Variants in NEK1 observed in about 807,000 individuals in gnomAD.
NEK1 encodes serine/threonine-protein kinase Nek1.
NEK1 carries 137 observed loss-of-function variants against 182.1 expected under a neutral mutation model. The observed-to-expected ratio is 0.75, with a 90% confidence interval of 0.65 to 0.87. The LOEUF is 0.87. Among genes scored for constraint, NEK1 ranks in the 40% least tolerant of loss-of-function variants. The pLI, the probability that NEK1 is intolerant of heterozygous loss-of-function variation, is 0.00. For synonymous variants in NEK1, 513 were observed against 492.2 expected (o/e 1.04, Z -0.56); for missense variants, 1,391 against 1,494.4 (o/e 0.93, Z 1.14).
At chr4:169,599,892 CTTT>C (rs564714528) in intron 4 of NEK1, among the ~76,000 whole-genome samples, 1 of 148,344 alleles carries the variant, frequency 6.7e-6, no homozygotes, top group African/African-American at 2.5e-5. Context: ...TTTATTTAGG[CTTT>C]TTTTTTTCTT....
chr4:169,479,561 A>T, intron 23 of NEK1, 27 bp from the exon 24 acceptor site: 1 of 1,537,090 alleles, frequency 6.5e-7, no homozygotes, highest in Non-Finnish European at 8.9e-7. Context: ...TATTAAATAC[A>T]TTAGGGATTT....
intron 31 of NEK1, among the ~76,000 whole-genome samples, chr4:169,410,456 T>C (rs1478987499): frequency 6.6e-6 from 1 of 152,208 alleles, no homozygotes; most frequent in Non-Finnish European, 1.5e-5. Flanking sequence ...TCCAGTATTT[T>C]TCATATAAAA....
chr4:169,430,622 G>A (rs1270173948), intron 29 of NEK1, among the ~76,000 whole-genome samples: 2 of 152,144 alleles, frequency 1.3e-5, no homozygotes, highest in Non-Finnish European at 2.9e-5. Context: ...AGGATAAACA[G>A]GTGAAGCACA....
intron 24 of NEK1, among the ~76,000 whole-genome samples, chr4:169,477,864 C>T (rs1747258493): frequency 6.6e-6 from 1 of 151,964 alleles, no homozygotes; most frequent in Non-Finnish European, 1.5e-5. Flanking sequence ...TTCATATACT[C>T]TCTTAATTAT....
chr4:169,575,683 G>T (rs1001866000), intron 12 of NEK1, among the ~76,000 whole-genome samples: 1 of 152,178 alleles, frequency 6.6e-6, no homozygotes. Flanking sequence ...ACTCCAGGCA[G>T]TTTCGCAGGG....
At chr4:169,409,794 A>G (rs958724139) in intron 31 of NEK1, among the ~76,000 whole-genome samples, 6 of 152,118 alleles carry the variant, frequency 3.9e-5, no homozygotes, top group African/African-American at 1.4e-4. Flanking sequence ...AAAAGAAAAA[A>G]TTACGGCCGT....
chr4:169,433,783 G>A, intron 28 of NEK1, 118 bp from the exon 29 acceptor site: 1 of 969,164 alleles, frequency 1.0e-6, no homozygotes, highest in Admixed American at 2.7e-5. Context: ...CATTAAAACA[G>A]AAAAATTAAG....
chr4:169,526,983 A>T (rs1178712843), intron 19 of NEK1, among the ~76,000 whole-genome samples: 1 of 152,208 alleles, frequency 6.6e-6, no homozygotes, highest in African/African-American at 2.4e-5. Flanking sequence ...CATAAATAGA[A>T]AAAATCCCCA....
At chr4:169,409,290 G>A (rs953125894) in intron 31 of NEK1, among the ~76,000 whole-genome samples, 17 of 151,932 alleles carry the variant, frequency 1.1e-4, no homozygotes, top group Non-Finnish European at 1.9e-4. Context: ...GACTACAGGC[G>A]CCCTACACCA....
At chr4:169,560,820 AG>A (rs1366577552) in intron 16 of NEK1, among the ~76,000 whole-genome samples, 2 of 151,986 alleles carry the variant, frequency 1.3e-5, no homozygotes, top group African/African-American at 4.8e-5. Context: ...ACCAAAGCTC[AG>A]AAAAGTTCAG....
At chr4:169,541,333 T>C (rs1385358540) in intron 18 of NEK1, among the ~76,000 whole-genome samples, 1 of 152,206 alleles carries the variant, frequency 6.6e-6, no homozygotes, top group Non-Finnish European at 1.5e-5. Flanking sequence ...TGGCACTCTG[T>C]AATTTATTAA....
intron 27 of NEK1, among the ~76,000 whole-genome samples, chr4:169,438,576 T>A (rs1226880616): frequency 1.3e-5 from 2 of 152,232 alleles, no homozygotes; most frequent in African/African-American, 2.4e-5. Context: ...AACTCCTAGT[T>A]ACTTCTAATT....
Position 169,555,727 on chromosome 4 carries a change from C to T in NEK1, c.1555G>A (p.Ala519Thr). The change falls in exon 18 of 36, where the codon GCA (alanine) becomes ACA (threonine). Residue 519 changes from alanine (A) to threonine (T), a missense_variant. By Grantham distance (58) the Ala-to-Thr change is moderately conservative. Around this residue, in one of 5 missense-constraint regions of NEK1, gnomAD observed 1,216 missense variants for 1,277.6 expected, o/e 0.95. Coordinates refer to ENST00000507142, the MANE Select transcript of NEK1 (RefSeq NM_001199397.3). Reference sequence around the variant, plus strand: ...GGATCATCACAGTCCAACCTGTTTGCATTGGCTTGTTTAGACACCGCCTTC... The same window carrying T: ...GGATCATCACAGTCCAACCTGTTTGTATTGGCTTGTTTAGACACCGCCTTC... ...RLKAVSKQAN[A>T]NRQKGQLAVE... 6.2e-7 allele frequency: 1 copy of T among 1,613,804 alleles called. No individual in the cohort carries two copies. The highest frequency in any genetic ancestry group is 8.5e-7 in the Non-Finnish European group (1 of 1,179,754).
Position 169,563,077 on chromosome 4 carries a change from G to A in NEK1, c.1021-881C>T, listed in dbSNP as rs151152078. 6.6e-5 allele frequency among the ~76,000 whole-genome samples: 10 copies of A among 152,070 alleles called. No individual in the cohort carries two copies. The South Asian group carries it at 8.3e-4, about 13-fold the overall frequency. On this transcript the variant is annotated intron_variant, in intron 12 of 35. Coordinates refer to ENST00000507142, the MANE Select transcript of NEK1 (RefSeq NM_001199397.3). Reference sequence around the variant, plus strand: ...GGTCTATTCTAAAGTATTTGGGGGCGGGACTGATGTGGTAGCTCACACCTG... The same window carrying A: ...GGTCTATTCTAAAGTATTTGGGGGCAGGACTGATGTGGTAGCTCACACCTG...
At chr4:169,405,659 G>A (rs1732462384) in intron 32 of NEK1, among the ~76,000 whole-genome samples, 1 of 151,728 alleles carries the variant, frequency 6.6e-6, no homozygotes, top group Admixed American at 6.6e-5. Flanking sequence ...TTTGAGACAG[G>A]GTCTCACTCT....
At chr4:169,472,732 CTCA>C (rs1228722510) in intron 26 of NEK1, among the ~76,000 whole-genome samples, 3 of 152,216 alleles carry the variant, frequency 2.0e-5, no homozygotes, top group African/African-American at 7.2e-5. Context: ...AGTGTCTCTC[CTCA>C]TTATTTATGT....
At chr4:169,571,207 T>A (rs1360153674) in intron 12 of NEK1, among the ~76,000 whole-genome samples, 93 of 150,116 alleles carry the variant, frequency 6.2e-4, no homozygotes, top group African/African-American at 2.2e-3. Context: ...AATAAATAAA[T>A]AAATAAATAA....
At chr4:169,430,510 A>G (rs1412947289) in intron 29 of NEK1, among the ~76,000 whole-genome samples, 1 of 152,218 alleles carries the variant, frequency 6.6e-6, no homozygotes, top group African/African-American at 2.4e-5. Context: ...GCCAATCTAA[A>G]GACTTCATAC....
chr4:169,450,411 A>T (rs1302937555), intron 27 of NEK1, among the ~76,000 whole-genome samples: 1 of 152,178 alleles, frequency 6.6e-6, no homozygotes, highest in African/African-American at 2.4e-5. Context: ...AGGAAAAAGT[A>T]TTAAGGGCAG....
Sources: gnomAD v4.1 joint callset for allele counts (sites outside exome capture counted in the v4.1 genomes callset) on GRCh38, gnomAD v4.1.1 for gene constraint, gnomAD v4.1.1 regional missense constraint, MANE v1.5 for transcripts, NCBI Gene and HGNC (gene_info 2026-07-23, HGNC 2026-07-21) for gene names.